TRMT10B: variants seen among roughly 807,000 people sequenced by gnomAD.
The protein encoded by TRMT10B is tRNA methyltransferase 10B, also known as tRNA methyltransferase 10 homolog B.
A neutral mutation model predicts 43.8 loss-of-function variants in TRMT10B; 33 were observed. The observed-to-expected ratio is 0.75, with a 90% confidence interval of 0.57 to 1.01. The LOEUF is 1.01. Among genes scored for constraint, TRMT10B ranks in the 50% least tolerant of loss-of-function variants. TRMT10B has a pLI of 0.00. For missense variants in TRMT10B, 362 were observed against 369.8 expected, an observed-to-expected ratio of 0.98 and a Z score of 0.17; for synonymous variants, 137 against 130.6, an observed-to-expected ratio of 1.05 and a Z score of -0.34.
chr9:37,755,112 T>C (rs1825484189), intron 1 of TRMT10B, among the ~76,000 whole-genome samples: 1 of 151,824 alleles, frequency 6.6e-6, no homozygotes, highest in Admixed American at 6.6e-5. Flanking sequence ...CTACTAAAAA[T>C]ACAAAAAAAT....
chr9:37,768,307 C>A, intron 5 of TRMT10B, 79 bp downstream of exon 5: 2 of 1,425,368 alleles, frequency 1.4e-6, no homozygotes, highest in South Asian at 2.8e-5. Context: ...TTTACTTTTT[C>A]ATATATGTTA....
chr9:37,768,073 A>G lies in TRMT10B; in HGVS notation c.421-3A>G, dbSNP rs200988028. The G allele has an allele frequency of 6.2e-7, 1 of 1,612,742 alleles. No individual in the cohort carries two copies. The highest frequency in any genetic ancestry group is 8.5e-7 in the Non-Finnish European group (1 of 1,179,394). On this transcript the variant is annotated splice_polypyrimidine_tract_variant and splice_region_variant and intron_variant, in intron 4 of 8. Coordinates refer to ENST00000297994, the MANE Select transcript of TRMT10B (RefSeq NM_144964.4). ...GCCCTGAGTTGTTCTTATTTCTTTG[A>G]AGGAATTAAGTAGACTGGCTGGACA... is the stretch of plus-strand genomic sequence containing the variant.
In TRMT10B at chr9:37,760,522, ATAG is replaced by A. The variant is rs1405486854; in HGVS notation, c.-29-1378_-29-1376del. Among the ~76,000 whole-genome samples the A allele has an allele frequency of 2.0e-5, 3 of 152,232 alleles. No homozygotes were observed. The East Asian group carries it at 5.8e-4, about 29-fold the overall frequency. Reference sequence around the variant, plus strand: ...GTAACAGTGAGACCCTGTCTCAAAAATAGTAATAATACGGACTGATTTAAGCGA... The same window carrying A: ...GTAACAGTGAGACCCTGTCTCAAAAATAATAATACGGACTGATTTAAGCGA... On this transcript the variant is annotated intron_variant, in intron 1 of 8. Transcript: ENST00000297994.
At chr9:37,777,559 T>C in intron 8 of TRMT10B, 42 bp from the exon 9 acceptor site, 1 of 1,488,224 alleles carries the variant, frequency 6.7e-7, no homozygotes, top group African/African-American at 1.4e-5. Flanking sequence ...CGTTCTTTTT[T>C]TCCCTCTGTG....
chr9:37,768,458 C>T (rs1212550851), intron 5 of TRMT10B, among the ~76,000 whole-genome samples: 1 of 152,134 alleles, frequency 6.6e-6, no homozygotes, highest in East Asian at 1.9e-4. Flanking sequence ...TATATTTATG[C>T]TAGACTGTAT....
In TRMT10B at chr9:37,778,023, A is replaced by T. The variant is rs371620956; in HGVS notation, c.*316A>T. 5.9e-4 allele frequency: 128 copies of T among 215,206 alleles called. 1 individual carries two copies. Among genetic ancestry groups the T allele is most frequent in the African/African-American group, 1.6e-3 (70 of 42,820 alleles). 13.3% of individuals were successfully genotyped at this position (215,206 alleles called of 1,614,324 possible). A position where few individuals can be genotyped will look rare whatever the true frequency, so the allele number is the denominator to read the frequency against. On this transcript the variant is annotated 3_prime_UTR_variant, in exon 9 of 9. Transcript: ENST00000297994. ...CCATCTCAAAAAAAAAATAAATAAA[A>T]AAAAATGCAGCTGCAGGAGTGAGGC...
chr9:37,763,817 T>C, intron 4 of TRMT10B, 64 bp downstream of exon 4: 1 of 1,611,144 alleles, frequency 6.2e-7, no homozygotes, highest in Non-Finnish European at 8.5e-7. Flanking sequence ...GGGTACAGCT[T>C]TCCGAAGAAT....
intron 7 of TRMT10B, among the ~76,000 whole-genome samples, chr9:37,773,210 C>G (rs1252777950): frequency 6.6e-6 from 1 of 151,202 alleles, no homozygotes. Context: ...TGGTCTCAAG[C>G]AATCCTTGCG....
At chr9:37,768,862 CCA>C (rs2118855008) in intron 5 of TRMT10B, among the ~76,000 whole-genome samples, 1 of 152,278 alleles carries the variant, frequency 6.6e-6, no homozygotes, top group East Asian at 1.9e-4. Flanking sequence ...GCAGCTAGTT[CCA>C]GTTTTCTTCT....
chr9:37,765,080 T>TCAA (rs1826837680), intron 4 of TRMT10B, among the ~76,000 whole-genome samples: 2 of 152,166 alleles, frequency 1.3e-5, no homozygotes, highest in African/African-American at 4.8e-5. Flanking sequence ...AAAGAGATTA[T>TCAA]GCCTTGGACC....
Position 37,777,776 on chromosome 9 carries a change from T to C in TRMT10B, c.*69T>C, listed in dbSNP as rs1006789361. On this transcript the variant is annotated 3_prime_UTR_variant, in exon 9 of 9. Coordinates refer to ENST00000297994, the MANE Select transcript of TRMT10B (RefSeq NM_144964.4). Reference sequence around the variant, plus strand: ...ATGCCAACACTTTGGTAGACCGAAGTGGGCAGATCACCTGAGGTCAGGAGT... The same window carrying C: ...ATGCCAACACTTTGGTAGACCGAAGCGGGCAGATCACCTGAGGTCAGGAGT... The C allele has an allele frequency of 8.5e-6, 11 of 1,294,686 alleles. No homozygotes were observed. The Admixed American group carries it at 1.9e-4, about 22-fold the overall frequency. 80.2% of individuals were successfully genotyped at this position (1,294,686 alleles called of 1,614,324 possible).
chr9:37,763,798 G>A, intron 4 of TRMT10B, 45 bp downstream of exon 4: 1 of 1,612,370 alleles, frequency 6.2e-7, no homozygotes, highest in Non-Finnish European at 8.5e-7. Context: ...CCATGAGGGA[G>A]GCCCAGAAGG....
chr9:37,757,644 C>T (rs1329085521), intron 1 of TRMT10B, among the ~76,000 whole-genome samples: 1 of 152,104 alleles, frequency 6.6e-6, no homozygotes, highest in Admixed American at 6.5e-5. Flanking sequence ...CATGAATAAC[C>T]AAAACTGCTC....
At chr9:37,774,189 T>C (rs538789555) in intron 7 of TRMT10B, among the ~76,000 whole-genome samples, 1 of 152,072 alleles carries the variant, frequency 6.6e-6, no homozygotes, top group South Asian at 2.1e-4. Flanking sequence ...TTTTGTTGAG[T>C]TGGGGTTTCA....
intron 3 of TRMT10B, 31 bp downstream of exon 3, chr9:37,762,716 A>G: frequency 6.5e-7 from 1 of 1,535,968 alleles, no homozygotes; most frequent in Non-Finnish European, 8.7e-7. Context: ...TGGTATAATA[A>G]TATTTATTTT....
At chr9:37,772,984 T>C (rs910742687) in intron 7 of TRMT10B, among the ~76,000 whole-genome samples, 1 of 152,238 alleles carries the variant, frequency 6.6e-6, no homozygotes, top group Non-Finnish European at 1.5e-5. Flanking sequence ...AAATTACAGA[T>C]TTAAAAGTTT....
intron 7 of TRMT10B, 119 bp from the exon 8 acceptor site, chr9:37,776,163 C>T (rs935698475): frequency 2.3e-6 from 2 of 872,386 alleles, no homozygotes; most frequent in African/African-American, 1.8e-5. Flanking sequence ...AGACAGTTAA[C>T]TCATTATCTG....
chr9:37,755,567 C>T (rs1018287071), intron 1 of TRMT10B, among the ~76,000 whole-genome samples: 1 of 152,238 alleles, frequency 6.6e-6, no homozygotes, highest in Non-Finnish European at 1.5e-5. Flanking sequence ...AGCTTCCATT[C>T]TGTGCCAGGC....
chr9:37,774,115 T>G (rs959547833), intron 7 of TRMT10B, among the ~76,000 whole-genome samples: 4 of 152,046 alleles, frequency 2.6e-5, no homozygotes, highest in African/African-American at 9.7e-5. Flanking sequence ...GCTCAATTGA[T>G]CCCCCTACCT....
Sources: gnomAD v4.1 joint callset for allele counts (sites outside exome capture counted in the v4.1 genomes callset) on GRCh38, gnomAD v4.1.1 for gene constraint, MANE v1.5 for transcripts, NCBI Gene and HGNC (gene_info 2026-07-23, HGNC 2026-07-21) for gene names.